FOXO1: variants seen among roughly 807,000 people sequenced by gnomAD.
FOXO1 encodes the protein forkhead box protein O1.
In FOXO1, 6 loss-of-function variants were observed where a neutral mutation model predicts 44.1. That is an observed-to-expected ratio of 0.14 (90% CI 0.07 to 0.27). FOXO1 has a LOEUF of 0.27. Ranked by LOEUF, FOXO1 falls within the 10% of genes least tolerant of loss-of-function variation. The pLI is 1.00. For missense variants in FOXO1, 737 were observed against 888.8 expected (o/e 0.83, Z 2.17); for synonymous variants, 380 against 362.7 (o/e 1.05, Z -0.54).
chr13:40,570,222 ATTGC>A lies in FOXO1; in HGVS notation c.631-9366_631-9363del, dbSNP rs573235434. Among the ~76,000 whole-genome samples, 555 of 151,908 alleles carry A rather than the reference ATTGC, an allele frequency of 3.7e-3. 5 individuals carry two copies. The highest frequency in any genetic ancestry group is 4.6e-3 in the Non-Finnish European group (310 of 67,954). Reference sequence around the variant, plus strand: ...CTACTTGGGAGGCTGAGGCAAGAAAATTGCTTGAACTCGGGAGGCGGAGGTTGCA... The same window carrying A: ...CTACTTGGGAGGCTGAGGCAAGAAAATTGAACTCGGGAGGCGGAGGTTGCA... On this transcript the variant is annotated intron_variant, in intron 1 of 2. Coordinates refer to ENST00000379561, the MANE Select transcript of FOXO1 (RefSeq NM_002015.4).
At chr13:40,583,972 T>C (rs780843345) in intron 1 of FOXO1, among the ~76,000 whole-genome samples, 2 of 152,192 alleles carry the variant, frequency 1.3e-5, no homozygotes, top group Non-Finnish European at 2.9e-5. Flanking sequence ...TGAGATCAGA[T>C]GGTGTGACTC....
intron 1 of FOXO1, among the ~76,000 whole-genome samples, chr13:40,647,121 GA>G (rs1877535891): frequency 6.6e-6 from 1 of 152,108 alleles, no homozygotes; most frequent in Non-Finnish European, 1.5e-5. Flanking sequence ...TCTGTACTAG[GA>G]TTAGGACTGC....
chr13:40,621,376 G>A, intron 1 of FOXO1: 2 of 370,368 alleles, frequency 5.4e-6, no homozygotes, highest in Non-Finnish European at 9.5e-6. Context: ...CTCAAATATT[G>A]TATTTTAGTA....
intron 1 of FOXO1, among the ~76,000 whole-genome samples, chr13:40,572,272 TC>T (rs1172489138): frequency 3.9e-5 from 6 of 152,348 alleles, no homozygotes; most frequent in Non-Finnish European, 1.5e-5. Flanking sequence ...GAAGAATTTA[TC>T]TATTGGATAC....
chr13:40,633,672 G>A (rs1049982529), intron 1 of FOXO1, among the ~76,000 whole-genome samples: 1 of 152,184 alleles, frequency 6.6e-6, no homozygotes, highest in Non-Finnish European at 1.5e-5. Flanking sequence ...AATGAAAATT[G>A]TGGTGATAGT....
intron 1 of FOXO1, chr13:40,620,542 G>C (rs1257473847): frequency 2.3e-6 from 1 of 434,084 alleles, no homozygotes; most frequent in African/African-American, 2.1e-5. Context: ...GAGAAGCTCT[G>C]GTTCTCCAAG....
chr13:40,649,443 G>C (rs1326266709), intron 1 of FOXO1, among the ~76,000 whole-genome samples: 2 of 152,188 alleles, frequency 1.3e-5, no homozygotes, highest in Admixed American at 6.5e-5. Context: ...TTCTGTGGAT[G>C]AAAGTGTTTT....
At position 40,560,391 on chromosome 13, in the gene FOXO1, T is replaced by C. The variant is rs150719535; in HGVS notation, c.1100A>G (p.Asn367Ser). 104 of 1,614,168 alleles carry C rather than the reference T, an allele frequency of 6.4e-5. No individual in the cohort carries two copies. In the African/African-American group the frequency reaches 1.2e-3, roughly 18 times the overall value. The change falls in exon 2 of 3, where the codon AAT becomes AGT. Residue 367 changes from asparagine (N) to serine (S), a missense_variant. Transcript: ENST00000379561. This position sits in a 1 kb window ranked among gnomAD's most constrained non-coding sequence, Gnocchi z 5.1. ...STLPSLSEIS[N>S]PENMENLLDN... The stretch of plus-strand genomic sequence containing the variant: ...CAAAAGATTTTCCATGTTTTCGGGA[T>C]TGCTTATCTCAGACAGACTGGGTAA...
chr13:40,568,080 G>A (rs551263754), intron 1 of FOXO1, among the ~76,000 whole-genome samples: 1 of 152,114 alleles, frequency 6.6e-6, no homozygotes, highest in East Asian at 1.9e-4. Flanking sequence ...TCATCCTAGG[G>A]AAAACCTGTG....
At chr13:40,654,706 T>C (rs1877802939) in intron 1 of FOXO1, among the ~76,000 whole-genome samples, 1 of 152,118 alleles carries the variant, frequency 6.6e-6, no homozygotes, top group Non-Finnish European at 1.5e-5. Flanking sequence ...TGGGGCTTAC[T>C]GGAGATAACA....
At chr13:40,586,913 A>G (rs1875189099) in intron 1 of FOXO1, among the ~76,000 whole-genome samples, 1 of 152,206 alleles carries the variant, frequency 6.6e-6, no homozygotes, top group Non-Finnish European at 1.5e-5. Flanking sequence ...CCTCTACTGG[A>G]AACATTGCTA....
At chr13:40,593,222 C>T (rs1435861638) in intron 1 of FOXO1, among the ~76,000 whole-genome samples, 1 of 152,070 alleles carries the variant, frequency 6.6e-6, no homozygotes, top group African/African-American at 2.4e-5. Context: ...GAGACAGGGT[C>T]TCCCTATGTT....
chr13:40,644,172 C>T (rs1353271581), intron 1 of FOXO1, among the ~76,000 whole-genome samples: 3 of 152,174 alleles, frequency 2.0e-5, no homozygotes, highest in Non-Finnish European at 4.4e-5. Flanking sequence ...CACCTTTTGT[C>T]CAGTGATCTC....
intron 1 of FOXO1, among the ~76,000 whole-genome samples, chr13:40,563,366 G>A (rs1398439354): frequency 6.6e-6 from 1 of 152,204 alleles, no homozygotes; most frequent in Admixed American, 6.5e-5. Context: ...AAAAGTCAGG[G>A]TAAGGCCCAG....
chr13:40,597,729 C>T (rs1382595147), intron 1 of FOXO1, among the ~76,000 whole-genome samples: 1 of 152,162 alleles, frequency 6.6e-6, no homozygotes, highest in Admixed American at 6.5e-5. Context: ...ACCCTGGGAG[C>T]TTCTAAGGGG....
chr13:40,619,995 T>C, intron 1 of FOXO1: 1 of 708,936 alleles, frequency 1.4e-6, no homozygotes, highest in Non-Finnish European at 2.5e-6. Context: ...AGAGACACAG[T>C]GGCACTGTTT....
chr13:40,616,921 C>T (rs1028608430), intron 1 of FOXO1, among the ~76,000 whole-genome samples: 1 of 152,130 alleles, frequency 6.6e-6, no homozygotes, highest in Non-Finnish European at 1.5e-5. Flanking sequence ...GTGAGCTTCT[C>T]GGGGCTCCTT....
intron 1 of FOXO1, among the ~76,000 whole-genome samples, chr13:40,594,045 A>AT (rs1358869933): frequency 1.3e-5 from 2 of 152,194 alleles, no homozygotes; most frequent in Non-Finnish European, 2.9e-5. Context: ...GCCATTCCCT[A>AT]AAGATGGGGC....
intron 1 of FOXO1, among the ~76,000 whole-genome samples, chr13:40,662,340 A>G (rs1878065786): frequency 6.6e-6 from 1 of 152,142 alleles, no homozygotes; most frequent in Non-Finnish European, 1.5e-5. Context: ...CAAAACTGCC[A>G]TTTATTAAAA....
Sources: gnomAD v4.1 joint callset for allele counts (sites outside exome capture counted in the v4.1 genomes callset) on GRCh38, gnomAD v4.1.1 for gene constraint, Gnocchi (gnomAD v3.1) non-coding constraint, MANE v1.5 for transcripts, NCBI Gene and HGNC (gene_info 2026-07-23, HGNC 2026-07-21) for gene names.